MYO16: variants seen among roughly 807,000 people sequenced by gnomAD.
MYO16 encodes the protein unconventional myosin-XVI.
In MYO16, 94 loss-of-function variants were observed where a neutral mutation model predicts 205.3. The observed-to-expected ratio is 0.46, with a 90% confidence interval of 0.39 to 0.54. MYO16 has a LOEUF of 0.54. Among genes scored for constraint, MYO16 ranks in the 20% least tolerant of loss-of-function variants. The pLI is 0.00. For missense variants in MYO16, 2,315 were observed against 2,387.5 expected, an observed-to-expected ratio of 0.97 and a Z score of 0.63; for synonymous variants, 988 against 954.0, an observed-to-expected ratio of 1.04 and a Z score of -0.66.
intron 4 of MYO16, among the ~76,000 whole-genome samples, chr13:108,737,437 C>T (rs1276631607): frequency 1.3e-5 from 2 of 152,174 alleles, no homozygotes; most frequent in Non-Finnish European, 2.9e-5. Flanking sequence ...TTCTGGATTA[C>T]ATTTAATGAT....
At chr13:108,699,714 T>C (rs1330073661) in intron 2 of MYO16, among the ~76,000 whole-genome samples, 1 of 152,216 alleles carries the variant, frequency 6.6e-6, no homozygotes, top group African/African-American at 2.4e-5. Context: ...CACAATTGGA[T>C]ATGTTAAAAG....
the MYO16 span, among the ~76,000 whole-genome samples, chr13:108,590,026 G>A: frequency 2.0e-5 from 3 of 151,890 alleles, no homozygotes. Flanking sequence ...ATATATATAG[G>A]AATAAATATT....
At chr13:109,145,598 C>A (rs1389082351) in intron 32 of MYO16, among the ~76,000 whole-genome samples, 2 of 152,172 alleles carry the variant, frequency 1.3e-5, no homozygotes, top group Admixed American at 1.3e-4. Context: ...ACATAAAGAT[C>A]CCATTAATTC....
At chr13:108,615,844 C>T (rs1002195520) in intron 1 of MYO16, among the ~76,000 whole-genome samples, 1 of 152,172 alleles carries the variant, frequency 6.6e-6, no homozygotes, top group Non-Finnish European at 1.5e-5. Flanking sequence ...CTGTCTACCT[C>T]CATACTAAAC....
intron 1 of MYO16, among the ~76,000 whole-genome samples, chr13:108,649,688 C>G (rs1327094263): frequency 6.6e-6 from 1 of 152,118 alleles, no homozygotes; most frequent in Non-Finnish European, 1.5e-5. Context: ...GGTATAATAA[C>G]AAACTTGTTT....
At chr13:108,497,000 T>G in the MYO16 span, among the ~76,000 whole-genome samples, 1 of 152,214 alleles carries the variant, frequency 6.6e-6, no homozygotes. Context: ...GAGTCTGTGT[T>G]GGGATGAAGG....
At chr13:108,744,297 G>A (rs930529808) in intron 4 of MYO16, among the ~76,000 whole-genome samples, 7 of 151,994 alleles carry the variant, frequency 4.6e-5, no homozygotes, top group Non-Finnish European at 8.8e-5. Context: ...CTTTTAAGCT[G>A]AATCTTTTCA....
At chr13:109,144,703 C>A (rs554509417) in intron 32 of MYO16, among the ~76,000 whole-genome samples, 1 of 152,180 alleles carries the variant, frequency 6.6e-6, no homozygotes, top group Non-Finnish European at 1.5e-5. Flanking sequence ...AACTAAAGTT[C>A]ATTTTTTGTT....
chr13:109,093,492 G>A (rs530627756), intron 27 of MYO16, among the ~76,000 whole-genome samples: 18 of 152,100 alleles, frequency 1.2e-4, no homozygotes, highest in Non-Finnish European at 1.3e-4. Context: ...GTCTCCTTCC[G>A]AAGCTCCACC....
intron 3 of MYO16, among the ~76,000 whole-genome samples, chr13:108,713,882 T>G (rs955529262): frequency 3.9e-5 from 6 of 152,224 alleles, no homozygotes; most frequent in African/African-American, 1.2e-4. Flanking sequence ...GTCTCTGTTT[T>G]ACACTCAGAT....
intron 4 of MYO16, chr13:108,779,445 AC>A (rs1177887602): frequency 1.3e-5 from 2 of 152,232 alleles, no homozygotes; most frequent in Non-Finnish European, 2.9e-5. Context: ...GCTGAAGGAG[AC>A]AACTTTGGGG....
chr13:109,048,013 T>A (rs1887102407), intron 24 of MYO16, among the ~76,000 whole-genome samples: 2 of 152,138 alleles, frequency 1.3e-5, no homozygotes, highest in Admixed American at 6.5e-5. Context: ...TTATTATCAT[T>A]GGAAAATCTT....
At chr13:108,621,000 G>C (rs748292105) in intron 1 of MYO16, among the ~76,000 whole-genome samples, 20 of 152,030 alleles carry the variant, frequency 1.3e-4, no homozygotes, top group Non-Finnish European at 2.8e-4. Context: ...CTATCCTTTA[G>C]CCTTGCCAAA....
intron 15 of MYO16, among the ~76,000 whole-genome samples, chr13:108,908,780 C>T (rs1881114468): frequency 6.6e-6 from 1 of 151,944 alleles, no homozygotes; most frequent in Non-Finnish European, 1.5e-5. Flanking sequence ...TCAATACCAG[C>T]CTGGCCAATA....
chr13:109,165,009 A>G lies in MYO16; in HGVS notation c.5273A>G (p.Asn1758Ser), dbSNP rs780061464. The change falls in exon 33 of 35, where the codon AAT becomes AGT. Residue 1758 changes from asparagine (N) to serine (S), a missense_variant. Physicochemically the swap from Asn to Ser is conservative, Grantham distance 46. This residue lies in a region of MYO16 where 1,097 missense variants were observed against 1,092.0 expected (regional missense o/e 1.00). Coordinates refer to ENST00000457511, the MANE Select transcript of MYO16 (RefSeq NM_001198950.3). ...NANNHGIQLS[N>S]SLSSAITAEN... ...AATAACCATGGAATTCAGTTATCTA[A>G]TTCACTATCTAGTGCTATAACTGCT... The G allele has an allele frequency of 1.0e-5, 16 of 1,603,278 alleles. No individual in the cohort carries two copies. The highest frequency in any genetic ancestry group is 1.4e-5 in the Non-Finnish European group (16 of 1,175,424).
intron 20 of MYO16, among the ~76,000 whole-genome samples, chr13:108,976,035 C>T (rs1884244738): frequency 6.6e-6 from 1 of 152,094 alleles, no homozygotes; most frequent in African/African-American, 2.4e-5. Flanking sequence ...AGAGAATATG[C>T]AATGTTTCTC....
upstream of MYO16, among the ~76,000 whole-genome samples, chr13:108,594,182 A>C (rs1031705617): frequency 1.3e-5 from 2 of 152,288 alleles, no homozygotes; most frequent in South Asian, 2.1e-4. Flanking sequence ...AAGATTTACC[A>C]TGAGGCCAAT....
At chr13:108,543,486 TA>T in the MYO16 span, among the ~76,000 whole-genome samples, 1 of 150,764 alleles carries the variant, frequency 6.6e-6, no homozygotes, top group Non-Finnish European at 1.5e-5. Context: ...CTACAAAAAA[TA>T]AAAACTTAGC....
intron 23 of MYO16, among the ~76,000 whole-genome samples, chr13:109,037,733 T>A (rs1271760618): frequency 1.3e-5 from 2 of 151,900 alleles, no homozygotes; most frequent in African/African-American, 4.8e-5. Flanking sequence ...GAGGTCAGCA[T>A]TACTGCCTAT....
Sources: gnomAD v4.1 joint callset for allele counts (sites outside exome capture counted in the v4.1 genomes callset) on GRCh38, gnomAD v4.1.1 for gene constraint, gnomAD v4.1.1 regional missense constraint, MANE v1.5 for transcripts, NCBI Gene and HGNC (gene_info 2026-07-23, HGNC 2026-07-21) for gene names.